Variants in KHDRBS2 observed in about 807,000 individuals in gnomAD.
KHDRBS2 encodes KH domain-containing, RNA-binding, signal transduction-associated protein 2.
A neutral mutation model predicts 44.3 loss-of-function variants in KHDRBS2; 26 were observed. That is an observed-to-expected ratio of 0.59 (90% CI 0.43 to 0.81). The LOEUF is 0.81. Among genes scored for constraint, KHDRBS2 ranks in the 40% least tolerant of loss-of-function variants. The pLI is 0.00. For missense variants in KHDRBS2, 476 were observed against 433.1 expected (o/e 1.10, Z -0.88); for synonymous variants, 194 against 151.1 (o/e 1.28, Z -2.08).
In KHDRBS2 at chr6:61,917,900, A is replaced by G. The variant is rs545387315; in HGVS notation, c.484-16529T>C. ...TTCATCAAGTTGAAACAGCCTATTC[A>G]AGATTTAAAAAGTCATATTGCTAAA... On this transcript the variant is annotated intron_variant, in intron 4 of 8. Transcript: ENST00000281156. 2.2e-4 allele frequency among the ~76,000 whole-genome samples: 33 copies of G among 152,140 alleles called. No homozygotes were observed. In the South Asian group the frequency reaches 4.1e-3, roughly 19 times the overall value.
At chr6:62,202,497 C>CAG (rs145165346) in intron 1 of KHDRBS2, among the ~76,000 whole-genome samples, 1 of 151,680 alleles carries the variant, frequency 6.6e-6, no homozygotes, top group Non-Finnish European at 1.5e-5. Context: ...AAGAGAAAAA[C>CAG]AGAGAGAGAG....
chr6:61,955,876 T>C (rs187856700), intron 4 of KHDRBS2, among the ~76,000 whole-genome samples: 108 of 152,208 alleles, frequency 7.1e-4, no homozygotes, highest in African/African-American at 2.4e-3. Flanking sequence ...TCTTATTCAA[T>C]TTTAGATTAT....
At chr6:61,866,323 C>T (rs972253662) in intron 6 of KHDRBS2, among the ~76,000 whole-genome samples, 4 of 152,230 alleles carry the variant, frequency 2.6e-5, no homozygotes, top group Admixed American at 6.5e-5. Context: ...CTCAACACCA[C>T]GTGGAAGCTG....
At chr6:62,254,924 A>C (rs1837124926) in intron 1 of KHDRBS2, among the ~76,000 whole-genome samples, 1 of 152,132 alleles carries the variant, frequency 6.6e-6, no homozygotes, top group Non-Finnish European at 1.5e-5. Context: ...GTAAAGTATT[A>C]GTAAAGTACA....
chr6:61,767,188 C>T (rs2127574776), intron 6 of KHDRBS2, among the ~76,000 whole-genome samples: 1 of 152,010 alleles, frequency 6.6e-6, no homozygotes, highest in African/African-American at 2.4e-5. Context: ...ATGAGTTGAC[C>T]ACTTTATCAT....
intron 6 of KHDRBS2, among the ~76,000 whole-genome samples, chr6:61,852,336 C>A (rs9363342): frequency 5.9e-5 from 9 of 151,904 alleles, no homozygotes; most frequent in Admixed American, 1.3e-4. Flanking sequence ...GAAGCCAAGG[C>A]GGGCAGATTA....
At chr6:62,232,668 A>G (rs1563105297) in intron 1 of KHDRBS2, among the ~76,000 whole-genome samples, 1 of 152,142 alleles carries the variant, frequency 6.6e-6, no homozygotes, top group African/African-American at 2.4e-5. Flanking sequence ...TATTAAACAT[A>G]TCCCTACGTA....
At chr6:62,085,869 T>A (rs1207979560) in intron 2 of KHDRBS2, among the ~76,000 whole-genome samples, 1 of 152,030 alleles carries the variant, frequency 6.6e-6, no homozygotes, top group Non-Finnish European at 1.5e-5. Context: ...TTTACTTGAA[T>A]AAAGTTAGGG....
rs993687149 is a variant in KHDRBS2 at position 62,064,656 on chromosome 6, T to A, written c.220-16662A>T. Reference sequence around the variant, plus strand: ...CAAGATGGATTAAAGATTTGAACGTTAGACCTAAAACCATAAAAACCCTAG... The same window carrying A: ...CAAGATGGATTAAAGATTTGAACGTAAGACCTAAAACCATAAAAACCCTAG... On this transcript the variant is annotated intron_variant, in intron 2 of 8. Coordinates refer to ENST00000281156, the MANE Select transcript of KHDRBS2 (RefSeq NM_152688.4). Among the ~76,000 whole-genome samples the A allele has an allele frequency of 8.6e-4, 131 of 151,974 alleles. 1 individual carries two copies. Among genetic ancestry groups the A allele is most frequent in the African/African-American group, 3.0e-3 (125 of 41,440 alleles).
At chr6:61,917,026 C>T (rs1218290080) in intron 4 of KHDRBS2, among the ~76,000 whole-genome samples, 1 of 121,980 alleles carries the variant, frequency 8.2e-6, no homozygotes, top group Non-Finnish European at 1.6e-5. Flanking sequence ...AAACTTAGAA[C>T]CACAGTTTGA....
chr6:61,848,525 A>G (rs1328689839), intron 6 of KHDRBS2, among the ~76,000 whole-genome samples: 5 of 58,436 alleles, frequency 8.6e-5, no homozygotes, highest in South Asian at 1.2e-3. Context: ...ATATGTATAT[A>G]TATATACATA....
chr6:62,204,550 A>G (rs1518910), intron 1 of KHDRBS2, among the ~76,000 whole-genome samples: 18,183 of 152,198 alleles, frequency 0.12, 1,396 homozygotes, highest in Non-Finnish European at 0.15. Context: ...TTTAAGCACC[A>G]CGTCAGCACT....
chr6:61,595,242 T>G, the KHDRBS2 span, among the ~76,000 whole-genome samples: 8 of 152,156 alleles, frequency 5.3e-5, no homozygotes, highest in Admixed American at 1.3e-4. Context: ...GAAAGGAAAT[T>G]AGTGTCTCAA....
the KHDRBS2 span, among the ~76,000 whole-genome samples, chr6:61,567,727 C>A: frequency 1.3e-5 from 2 of 151,964 alleles, no homozygotes. Context: ...CCCTCCTTCT[C>A]TTCCCTGCTC....
chr6:61,697,785 A>G (rs1768081776), intron 7 of KHDRBS2, among the ~76,000 whole-genome samples: 1 of 152,100 alleles, frequency 6.6e-6, no homozygotes, highest in Admixed American at 6.6e-5. Context: ...TAACTGTCAA[A>G]GGTGTTCTTC....
intron 2 of KHDRBS2, among the ~76,000 whole-genome samples, chr6:62,121,735 C>G (rs763395367): frequency 2.6e-5 from 4 of 152,100 alleles, no homozygotes; most frequent in African/African-American, 9.7e-5. Context: ...CACATGGGTC[C>G]GTTACATTGA....
intron 2 of KHDRBS2, among the ~76,000 whole-genome samples, chr6:62,053,612 A>T (rs1789584859): frequency 6.6e-6 from 1 of 152,006 alleles, no homozygotes; most frequent in Non-Finnish European, 1.5e-5. Context: ...TGAAAAACAA[A>T]GGAAACATCA....
At position 62,162,631 on chromosome 6, in the gene KHDRBS2, G is replaced by A. The variant is rs554668286; in HGVS notation, c.219+14554C>T. Among the ~76,000 whole-genome samples the A allele has an allele frequency of 1.3e-4, 20 of 152,164 alleles. No homozygotes were observed. In the South Asian group the frequency reaches 3.9e-3, roughly 30 times the overall value. On this transcript the variant is annotated intron_variant, in intron 2 of 8. Coordinates refer to ENST00000281156, the MANE Select transcript of KHDRBS2 (RefSeq NM_152688.4). The stretch of plus-strand genomic sequence containing the variant: ...CCTGGAATTTGCAATACTTCAATAG[G>A]CTTCAGTAGTTACAGAATAGTTACA...
At chr6:62,169,136 CACATATATGTGTGTATAT>C (rs1361735927) in intron 2 of KHDRBS2, among the ~76,000 whole-genome samples, 3 of 78,408 alleles carry the variant, frequency 3.8e-5, no homozygotes, top group Non-Finnish European at 7.1e-5. Context: ...TACATATACA[CACATATATGTGTGTATAT>C]ATACGTACAC....
Sources: gnomAD v4.1 joint callset for allele counts (sites outside exome capture counted in the v4.1 genomes callset) on GRCh38, gnomAD v4.1.1 for gene constraint, MANE v1.5 for transcripts, NCBI Gene and HGNC (gene_info 2026-07-23, HGNC 2026-07-21) for gene names.